PGS1: variants seen among roughly 807,000 people sequenced by gnomAD.
The protein encoded by PGS1 is CDP-diacylglycerol--glycerol-3-phosphate 3-phosphatidyltransferase, mitochondrial.
PGS1 carries 44 observed loss-of-function variants against 58.3 expected under a neutral mutation model. The observed-to-expected ratio is 0.75, with a 90% CI of 0.59 to 0.97. The LOEUF (loss-of-function observed/expected upper bound fraction) is 0.97. PGS1 is among the 50% of genes least tolerant of loss of function. The probability of loss-of-function intolerance (pLI) is 0.00; values close to 1 mark genes in which losing one functional copy is unlikely to be tolerated. For missense variants in PGS1, 684 were observed against 731.1 expected (o/e 0.94, Z 0.74); for synonymous variants, 330 against 311.0 (o/e 1.06, Z -0.64).
intron 7 of PGS1, among the ~76,000 whole-genome samples, chr17:78,409,817 T>C (rs939095710): frequency 2.4e-4 from 37 of 152,340 alleles, no homozygotes; most frequent in African/African-American, 1.2e-4. Context: ...ACTTCTGCCT[T>C]AGAACTGCAA....
rs555694286 is a variant in PGS1 at position 78,378,700 on chromosome 17, T to C, written c.35T>C (p.Val12Ala). ...AVAAAAAAGP[V>A]FWRRLLGLLP... Reference sequence around the variant, plus strand: ...GCGGCGGCAGCTGCGGCGGGACCCGTGTTCTGGAGGCGACTGCTGGGCCTC... The same window carrying C: ...GCGGCGGCAGCTGCGGCGGGACCCGCGTTCTGGAGGCGACTGCTGGGCCTC... Residue 12 changes from valine to alanine, a missense_variant, in exon 1 of 10, where the codon GTG (valine) becomes GCG (alanine). Transcript: ENST00000262764. 7.9e-6 allele frequency: 12 copies of C among 1,523,432 alleles called. No homozygotes were observed. In the East Asian group the frequency reaches 1.3e-4, roughly 17 times the overall value. 94.4% of individuals were successfully genotyped at this position (1,523,432 alleles called of 1,614,324 possible). A position where few individuals can be genotyped will look rare whatever the true frequency, so the allele number is the denominator to read the frequency against.
At chr17:78,392,097 A>G (rs1026161637) in intron 1 of PGS1, among the ~76,000 whole-genome samples, 2 of 152,112 alleles carry the variant, frequency 1.3e-5, no homozygotes. Flanking sequence ...AATATTTTTG[A>G]GGTAGATTCA....
At chr17:78,385,207 C>A (rs2082296509) in intron 1 of PGS1, among the ~76,000 whole-genome samples, 1 of 152,200 alleles carries the variant, frequency 6.6e-6, no homozygotes, top group Non-Finnish European at 1.5e-5. Flanking sequence ...CAACCTCTGC[C>A]TCCTGGGTTC....
intron 4 of PGS1, among the ~76,000 whole-genome samples, chr17:78,398,593 CGTGGGAGGCTGAG>C (rs1355746313): frequency 5.3e-5 from 8 of 152,176 alleles, no homozygotes; most frequent in Non-Finnish European, 5.9e-5. Context: ...GTCCCACTTG[CGTGGGAGGCTGAG>C]GTGGGAGGAT....
chr17:78,400,827 G>T lies in PGS1; in HGVS notation c.852G>T (p.Val284=), dbSNP rs2083598708. ...TGCAGGGGGACGACACGGTGCAGGT[G>T]GTGGATGGGATGGTGCATCCTTACA... ...LQLQGDDTVQ[V]VDGMVHPYKG... Residue 284 remains valine (V), a synonymous_variant, in exon 6 of 10, where the codon GTG becomes GTT. Coordinates refer to ENST00000262764, the MANE Select transcript of PGS1 (RefSeq NM_024419.5). This position sits in a 1 kb window ranked among gnomAD's most constrained non-coding sequence, Gnocchi z 4.4. 6.2e-7 allele frequency: 1 copy of T among 1,611,046 alleles called. No homozygotes were observed. The highest frequency in any genetic ancestry group is 8.5e-7 in the Non-Finnish European group (1 of 1,178,242).
chr17:78,415,397 G>A (rs953809324), intron 8 of PGS1, among the ~76,000 whole-genome samples: 7 of 152,184 alleles, frequency 4.6e-5, no homozygotes, highest in African/African-American at 1.7e-4. Flanking sequence ...TTGGGAGGTC[G>A]AGGCAGGTGG....
rs577086086 is a variant in PGS1, at chr17:78,424,582, A to G, written c.*532A>G. The G allele has an allele frequency of 1.8e-3, 283 of 159,232 alleles. No individual in the cohort carries two copies. Among genetic ancestry groups the G allele is most frequent in the African/African-American group, 4.2e-3 (177 of 41,788 alleles). 9.9% of individuals were successfully genotyped at this position (159,232 alleles called of 1,614,324 possible). A position where few individuals can be genotyped will look rare whatever the true frequency, so the allele number is the denominator to read the frequency against. On this transcript the variant is annotated 3_prime_UTR_variant, in exon 10 of 10. Transcript: ENST00000262764. ...AAATATTGCCTTTAACCAGACTGCT[A>G]TTATTTCTACTCGCCCTATTTAATG...
In PGS1 at chr17:78,403,996, C is replaced by T. The variant is rs1341888364; in HGVS notation, c.1309C>T (p.Arg437Ter). 5 of 1,613,864 alleles carry T rather than the reference C, an allele frequency of 3.1e-6. No homozygotes were observed. The highest frequency in any genetic ancestry group is 4.2e-6 in the Non-Finnish European group (5 of 1,179,926). ...AIPAAYVHIE[R>*]QFFSEVCSLG... ...CCCAGCGGCCTATGTGCACATCGAGCGACAGTTCTTCAGTGAGGTGTGCAG... is the reference window on the plus strand; with the variant it reads ...CCCAGCGGCCTATGTGCACATCGAGTGACAGTTCTTCAGTGAGGTGTGCAG... The change falls in exon 7 of 10, where the codon CGA becomes TGA. Residue 437 changes from arginine (R) to a stop codon, truncating the protein, a stop_gained. Transcript: ENST00000262764. LOFTEE classifies it high-confidence loss of function.
At chr17:78,422,630 T>C (rs1478691049) in intron 9 of PGS1, among the ~76,000 whole-genome samples, 1 of 144,010 alleles carries the variant, frequency 6.9e-6, no homozygotes. Flanking sequence ...CCTGAGTAGC[T>C]GGGACCACAG....
In PGS1 at chr17:78,399,424, C is replaced by A. The variant is rs746397735; in HGVS notation, c.588C>A (p.His196Gln). The A allele has an allele frequency of 5.0e-6, 8 of 1,614,164 alleles. No homozygotes were observed. Among genetic ancestry groups the A allele is most frequent in the Non-Finnish European group, 6.8e-6 (8 of 1,180,024 alleles). The change falls in exon 5 of 10, where the codon CAC becomes CAA. Residue 196 changes from histidine (H) to glutamine (Q), a missense_variant. His to Gln is a conservative substitution (Grantham distance 24). Transcript: ENST00000262764. ...FPEQVRVSLFHTPHLRGLLRL... is the reference protein window; with the variant it reads ...FPEQVRVSLFQTPHLRGLLRL... ...AGCAGGTCCGAGTCTCCCTCTTTCACACGCCGCACCTCCGTGGGCTGCTTC... is the reference window on the plus strand; with the variant it reads ...AGCAGGTCCGAGTCTCCCTCTTTCAAACGCCGCACCTCCGTGGGCTGCTTC...
At chr17:78,419,974 G>C in intron 9 of PGS1, 2 of 1,180,144 alleles carry the variant, frequency 1.7e-6, no homozygotes, top group South Asian at 3.4e-5. Flanking sequence ...AGGGGGTCCT[G>C]AAGAAGCCCT....
chr17:78,420,743 T>C (rs977991647), intron 9 of PGS1: 3 of 152,224 alleles, frequency 2.0e-5, no homozygotes, highest in Non-Finnish European at 4.4e-5. Flanking sequence ...ATTTGAATAG[T>C]GTGTGCAAAT....
intron 9 of PGS1, 34 bp from the exon 10 acceptor site, chr17:78,424,027 T>G (rs553733191): frequency 9.9e-5 from 160 of 1,614,060 alleles, no homozygotes; most frequent in Non-Finnish European, 1.3e-4. Context: ...CACGGGACAC[T>G]CATAGATGTT....
intron 2 of PGS1, among the ~76,000 whole-genome samples, chr17:78,392,884 G>A (rs2082929776): frequency 6.6e-6 from 1 of 152,114 alleles, no homozygotes; most frequent in South Asian, 2.1e-4. Context: ...GCTCTGAGAA[G>A]GCAACAGTGA....
intron 7 of PGS1, among the ~76,000 whole-genome samples, chr17:78,409,101 T>C (rs1336430642): frequency 3.9e-5 from 6 of 152,242 alleles, no homozygotes; most frequent in Admixed American, 6.5e-5. Context: ...CTTATGTCTC[T>C]CTTCATCTTT....
At chr17:78,397,743 C>CT (rs1448380051) in intron 3 of PGS1, among the ~76,000 whole-genome samples, 1 of 152,184 alleles carries the variant, frequency 6.6e-6, no homozygotes, top group Non-Finnish European at 1.5e-5. Context: ...CCGCCTCCCT[C>CT]TATTTTTAGG....
In PGS1 at chr17:78,400,344, C is replaced by T. The variant is rs1253181193; in HGVS notation, c.702-333C>T. 6.6e-6 allele frequency among the ~76,000 whole-genome samples: 1 copy of T among 151,712 alleles called. No individual in the cohort carries two copies. Among genetic ancestry groups the T allele is most frequent in the East Asian group, 1.9e-4 (1 of 5,164 alleles). ...AGGCTGCAGGGAGCCAAGATCATGC[C>T]ACTGCACTCCAGCCTGGGCGACAGA... On this transcript the variant is annotated intron_variant, in intron 5 of 9. Coordinates refer to ENST00000262764, the MANE Select transcript of PGS1 (RefSeq NM_024419.5). The surrounding 1 kb of genome is among the most constrained non-coding windows in gnomAD (Gnocchi z 4.4).
chr17:78,421,910 GCGGCGGC>G (rs778855014), intron 9 of PGS1: 1 of 140,874 alleles, frequency 7.1e-6, no homozygotes, highest in Non-Finnish European at 1.5e-5. Flanking sequence ...CGGGCGGCGG[GCGGCGGC>G]CGCCGCAGTC....
In PGS1 at chr17:78,400,862, G is replaced by A. The variant is rs774845098; in HGVS notation, c.880+7G>A. 1.9e-6 allele frequency: 3 copies of A among 1,583,392 alleles called. No individual in the cohort carries two copies. Among genetic ancestry groups the A allele is most frequent in the African/African-American group, 2.7e-5 (2 of 74,554 alleles). On this transcript the variant is annotated splice_region_variant and intron_variant, in intron 6 of 9. Coordinates refer to ENST00000262764, the MANE Select transcript of PGS1 (RefSeq NM_024419.5). The surrounding 1 kb of genome is among the most constrained non-coding windows in gnomAD (Gnocchi z 4.4). Reference sequence around the variant, plus strand: ...ATGGTGCATCCTTACAAAGGTAGGGGCTGCCGCTGACACCCTTCTATGGCT... The same window carrying A: ...ATGGTGCATCCTTACAAAGGTAGGGACTGCCGCTGACACCCTTCTATGGCT...
Sources: allele counts gnomAD v4.1 joint callset (sites outside exome capture counted in the v4.1 genomes callset), GRCh38; gene constraint gnomAD v4.1.1; non-coding constraint Gnocchi (gnomAD v3.1); transcripts MANE v1.5; gene names NCBI Gene and HGNC (gene_info 2026-07-23, HGNC 2026-07-21).